MYO3B: variants seen among roughly 807,000 people sequenced by gnomAD.
The protein encoded by MYO3B is myosin-IIIb.
A neutral mutation model predicts 174.6 loss-of-function variants in MYO3B; 156 were observed. The ratio of observed to expected loss-of-function variants is 0.89; its 90% CI spans 0.78 to 1.02. The LOEUF (loss-of-function observed/expected upper bound fraction) is 1.02. Among genes scored for constraint, MYO3B ranks in the 50% least tolerant of loss-of-function variants. The pLI, the probability that MYO3B is intolerant of heterozygous loss-of-function variation, is 0.00. For synonymous variants in MYO3B, 563 were observed against 569.1 expected (o/e 0.99, Z 0.15); for missense variants, 1,632 against 1,639.4 (o/e 1.00, Z 0.08).
At chr2:170,204,527 G>A (rs1284688340) in intron 3 of MYO3B, among the ~76,000 whole-genome samples, 1 of 152,188 alleles carries the variant, frequency 6.6e-6, no homozygotes, top group Non-Finnish European at 1.5e-5. Flanking sequence ...TTGAAATGAT[G>A]ACTGTCTTAG....
chr2:170,428,001 A>G (rs752723671), intron 22 of MYO3B, among the ~76,000 whole-genome samples: 5 of 152,244 alleles, frequency 3.3e-5, no homozygotes, highest in Non-Finnish European at 5.9e-5. Context: ...TGAAAAATGA[A>G]CACCTTGAAT....
intron 8 of MYO3B, among the ~76,000 whole-genome samples, chr2:170,352,096 G>C (rs2094077092): frequency 6.6e-6 from 1 of 152,206 alleles, no homozygotes; most frequent in African/African-American, 2.4e-5. Flanking sequence ...GGGGTTGCAG[G>C]TGCATGCCAC....
At chr2:170,641,205 A>G (rs1697921368) in intron 32 of MYO3B, 1 of 152,210 alleles carries the variant, frequency 6.6e-6, no homozygotes, top group African/African-American at 2.4e-5. Context: ...AGGGTAGGGA[A>G]CATTCAGCCT....
chr2:170,544,084 A>G, intron 32 of MYO3B, 96 bp downstream of exon 32: 1 of 941,860 alleles, frequency 1.1e-6, no homozygotes, highest in East Asian at 2.9e-5. Context: ...TTAGATAGTA[A>G]TATGACCAAA....
chr2:170,578,764 G>A (rs1194718719), intron 32 of MYO3B, among the ~76,000 whole-genome samples: 1 of 152,218 alleles, frequency 6.6e-6, no homozygotes, highest in African/African-American at 2.4e-5. Flanking sequence ...CTAAGTGAAC[G>A]GACGTCCGCT....
intron 8 of MYO3B, among the ~76,000 whole-genome samples, chr2:170,362,366 C>T (rs1005874737): frequency 2.0e-5 from 3 of 152,106 alleles, no homozygotes; most frequent in Non-Finnish European, 4.4e-5. Flanking sequence ...TACTGTGGAC[C>T]TTTGGTGCTG....
intron 16 of MYO3B, among the ~76,000 whole-genome samples, chr2:170,399,370 A>G (rs914956149): frequency 5.3e-5 from 8 of 151,234 alleles, no homozygotes; most frequent in Non-Finnish European, 8.8e-5. Context: ...GCTACTTGGA[A>G]GGCTGAGGCA....
intron 32 of MYO3B, among the ~76,000 whole-genome samples, chr2:170,574,863 T>G (rs371699296): frequency 6.6e-6 from 1 of 152,188 alleles, no homozygotes; most frequent in Non-Finnish European, 1.5e-5. Flanking sequence ...TAGAGGCAAA[T>G]GAACTTGGAC....
At chr2:170,415,988 A>C (rs2094576096) in intron 22 of MYO3B, among the ~76,000 whole-genome samples, 1 of 152,136 alleles carries the variant, frequency 6.6e-6, no homozygotes, top group African/African-American at 2.4e-5. Flanking sequence ...CCTTATTTGG[A>C]ATTAGGGTAT....
intron 17 of MYO3B, among the ~76,000 whole-genome samples, chr2:170,401,101 A>G (rs1323462601): frequency 1.3e-5 from 2 of 152,222 alleles, no homozygotes; most frequent in African/African-American, 4.8e-5. Context: ...ATGAACAACA[A>G]ACAAACAAAC....
At chr2:170,421,394 C>A (rs1046825657) in intron 22 of MYO3B, among the ~76,000 whole-genome samples, 1 of 152,152 alleles carries the variant, frequency 6.6e-6, no homozygotes, top group Non-Finnish European at 1.5e-5. Flanking sequence ...TTGGATTGGG[C>A]GGAGTGGGGC....
At chr2:170,287,891 T>G (rs1466047211) in intron 7 of MYO3B, among the ~76,000 whole-genome samples, 1 of 152,142 alleles carries the variant, frequency 6.6e-6, no homozygotes, top group African/African-American at 2.4e-5. Context: ...CATTTTGATT[T>G]GACTTTTGTG....
At chr2:170,207,679 G>C (rs201431894) in intron 3 of MYO3B, among the ~76,000 whole-genome samples, 3 of 135,668 alleles carry the variant, frequency 2.2e-5, no homozygotes, top group African/African-American at 3.0e-5. Context: ...AAAAAAAAAG[G>C]CTTTTTTTTT....
chr2:170,421,624 G>T (rs929509357), intron 22 of MYO3B, among the ~76,000 whole-genome samples: 5 of 152,198 alleles, frequency 3.3e-5, no homozygotes, highest in African/African-American at 1.2e-4. Context: ...GTGAGATGTT[G>T]TGAGGGCCGT....
intron 22 of MYO3B, among the ~76,000 whole-genome samples, chr2:170,431,617 A>G (rs1281673172): frequency 6.6e-6 from 1 of 152,372 alleles, no homozygotes. Flanking sequence ...GAAATTCCTT[A>G]AAATGCCAGA....
chr2:170,410,592 G>GAAAAAAAAAA (rs59296953), intron 22 of MYO3B, among the ~76,000 whole-genome samples: 11 of 112,514 alleles, frequency 9.8e-5, no homozygotes, highest in Non-Finnish European at 1.8e-4. Flanking sequence ...CAAAAAAAAA[G>GAAAAAAAAAA]AAAAAAAAAA....
Position 170,639,063 on chromosome 2 carries a change from C to T in MYO3B, c.3734-12565C>T, listed in dbSNP as rs894757119. On this transcript the variant is annotated intron_variant, in intron 32 of 34. Transcript: ENST00000408978. ...TCCCCTGCTGCAGGGAATCAAAGAC[C>T]CCGTCACAATTAGCTTAGTAAAACC... 4.6e-5 allele frequency among the ~76,000 whole-genome samples: 7 copies of T among 152,156 alleles called. 1 individual carries two copies. The highest frequency in any genetic ancestry group is 4.6e-4 in the Admixed American group (7 of 15,280).
intron 32 of MYO3B, among the ~76,000 whole-genome samples, chr2:170,557,001 G>A (rs559143395): frequency 6.6e-6 from 1 of 151,798 alleles, no homozygotes; most frequent in South Asian, 2.1e-4. Context: ...AAATTGCATT[G>A]TTTGTTTTCC....
chr2:170,339,892 G>A (rs1189047553), intron 8 of MYO3B, among the ~76,000 whole-genome samples: 1 of 152,100 alleles, frequency 6.6e-6, no homozygotes, highest in Non-Finnish European at 1.5e-5. Flanking sequence ...CCTGCTTGAT[G>A]TGTTTTGTCA....
Sources: allele counts gnomAD v4.1 joint callset (sites outside exome capture counted in the v4.1 genomes callset), GRCh38; gene constraint gnomAD v4.1.1; transcripts MANE v1.5; gene names NCBI Gene and HGNC (gene_info 2026-07-23, HGNC 2026-07-21).